The following WDR41 variants were observed in gnomAD, a reference collection of about 807,000 sequenced individuals.
The protein encoded by WDR41 is WD repeat-containing protein 41.
In WDR41, 63 loss-of-function variants were observed where a neutral mutation model predicts 69.3. That is an observed-to-expected ratio of 0.91 (90% CI 0.74 to 1.12). The LOEUF (loss-of-function observed/expected upper bound fraction) is 1.12. Among genes scored for constraint, WDR41 ranks in the 50% most tolerant of loss-of-function variants. The pLI, the probability that WDR41 is intolerant of heterozygous loss-of-function variation, is 0.00. For missense variants in WDR41, 543 were observed against 534.5 expected, an observed-to-expected ratio of 1.02 and a Z score of -0.16; for synonymous variants, 185 against 192.1, an observed-to-expected ratio of 0.96 and a Z score of 0.31.
intron 1 of WDR41, among the ~76,000 whole-genome samples, chr5:77,591,939 C>T (rs1011745113): frequency 2.6e-5 from 4 of 151,898 alleles, no homozygotes; most frequent in Admixed American, 1.3e-4. Context: ...ACTTATTTTC[C>T]CTGCCTCCTC....
At chr5:77,553,516 G>A (rs1457150442) in intron 1 of WDR41, among the ~76,000 whole-genome samples, 1 of 152,084 alleles carries the variant, frequency 6.6e-6, no homozygotes, top group East Asian at 1.9e-4. Context: ...GAATTTTGGA[G>A]GGAATGCCAT....
At chr5:77,442,879 G>A (rs4334862) in intron 8 of WDR41, among the ~76,000 whole-genome samples, 3,637 of 69,962 alleles carry the variant, frequency 0.052, 137 homozygotes, top group South Asian at 0.27. Context: ...GCGACAGAGC[G>A]AGACTCTGTC....
intron 1 of WDR41, among the ~76,000 whole-genome samples, chr5:77,605,785 A>G (rs546356754): frequency 1.7e-3 from 253 of 152,214 alleles, no homozygotes; most frequent in Middle Eastern, 3.4e-3. Context: ...GTGAGTCTCC[A>G]TTATCTGTCA....
At chr5:77,439,886 C>T (rs146326825) in intron 9 of WDR41, among the ~76,000 whole-genome samples, 31 of 152,224 alleles carry the variant, frequency 2.0e-4, no homozygotes, top group African/African-American at 7.2e-4. Flanking sequence ...GATCTAGTCT[C>T]TATCTTTTCT....
At chr5:77,508,287 A>AT (rs1802144026) in intron 1 of WDR41, among the ~76,000 whole-genome samples, 1 of 151,918 alleles carries the variant, frequency 6.6e-6, no homozygotes, top group South Asian at 2.1e-4. Flanking sequence ...AGCCCAGCTA[A>AT]TTTTTTGTAG....
At chr5:77,603,829 G>C (rs996100382) in intron 1 of WDR41, among the ~76,000 whole-genome samples, 1 of 152,102 alleles carries the variant, frequency 6.6e-6, no homozygotes, top group African/African-American at 2.4e-5. Flanking sequence ...ATTGAAGAGG[G>C]TGTCCTTTCC....
intron 1 of WDR41, among the ~76,000 whole-genome samples, chr5:77,606,133 T>C (rs538247330): frequency 3.9e-5 from 6 of 152,178 alleles, no homozygotes; most frequent in Non-Finnish European, 8.8e-5. Flanking sequence ...CTACCCTTTT[T>C]TATCTGCTAT....
At chr5:77,585,780 G>A (rs924972683) in intron 1 of WDR41, among the ~76,000 whole-genome samples, 6 of 152,154 alleles carry the variant, frequency 3.9e-5, no homozygotes, top group African/African-American at 1.4e-4. Flanking sequence ...CTATGAGAAT[G>A]CAAAGGCATA....
At chr5:77,595,033 A>G (rs566575523) in intron 1 of WDR41, among the ~76,000 whole-genome samples, 1 of 152,334 alleles carries the variant, frequency 6.6e-6, no homozygotes, top group East Asian at 1.9e-4. Context: ...AGAGGAGAGA[A>G]AACATTTTTT....
intron 2 of WDR41, among the ~76,000 whole-genome samples, chr5:77,476,821 C>G (rs1800957864): frequency 6.9e-6 from 1 of 145,302 alleles, no homozygotes; most frequent in Admixed American, 6.9e-5. Context: ...TCACACATAA[C>G]AATATTAACT....
At chr5:77,595,791 AT>A (rs5868875) in intron 1 of WDR41, among the ~76,000 whole-genome samples, 3,387 of 151,876 alleles carry the variant, frequency 0.022, 64 homozygotes, top group African/African-American at 0.055. Flanking sequence ...AGTGGTAGTA[AT>A]TTTTTTTTCT....
At chr5:77,480,169 AAAC>A (rs1488372240) in intron 2 of WDR41, 4 of 152,346 alleles carry the variant, frequency 2.6e-5, no homozygotes, top group African/African-American at 9.7e-5. Context: ...AAAAGTCAGG[AAAC>A]AACAGGTGCT....
At chr5:77,554,763 G>T (rs545912237) in intron 1 of WDR41, among the ~76,000 whole-genome samples, 1 of 145,358 alleles carries the variant, frequency 6.9e-6, no homozygotes, top group African/African-American at 2.8e-5. Context: ...GATCCTTGTT[G>T]TGCTGGAACT....
At chr5:77,568,658 C>A (rs1006312375) in intron 1 of WDR41, among the ~76,000 whole-genome samples, 1 of 152,006 alleles carries the variant, frequency 6.6e-6, no homozygotes, top group African/African-American at 2.4e-5. Context: ...ATATAGTGCC[C>A]ATGAAAGCAT....
At chr5:77,577,428 C>G (rs1005368769) in intron 1 of WDR41, among the ~76,000 whole-genome samples, 2 of 151,544 alleles carry the variant, frequency 1.3e-5, no homozygotes, top group African/African-American at 4.9e-5. Context: ...CGGTAGTAAT[C>G]AAGAGATGCA....
chr5:77,517,884 T>C (rs1259398703), intron 1 of WDR41, among the ~76,000 whole-genome samples: 2 of 152,076 alleles, frequency 1.3e-5, no homozygotes, highest in Admixed American at 6.6e-5. Flanking sequence ...GATAAAGACA[T>C]TAGCAGCTCT....
chr5:77,453,460 T>C (rs1288464655), intron 6 of WDR41, among the ~76,000 whole-genome samples: 2 of 152,144 alleles, frequency 1.3e-5, no homozygotes, highest in Non-Finnish European at 2.9e-5. Flanking sequence ...GTAAGGACAA[T>C]TGTAAAAAGA....
chr5:77,608,417 T>C (rs751609439), intron 1 of WDR41, among the ~76,000 whole-genome samples: 7 of 152,176 alleles, frequency 4.6e-5, no homozygotes, highest in Admixed American at 6.5e-5. Context: ...CCCAAAAACA[T>C]TGGGCCTAAT....
chr5:77,453,227 T>A (rs531623419), intron 6 of WDR41, among the ~76,000 whole-genome samples: 113 of 152,350 alleles, frequency 7.4e-4, no homozygotes, highest in Non-Finnish European at 1.5e-3. Context: ...CATTTGATTA[T>A]TTTTAGAAAT....
Sources: allele counts gnomAD v4.1 joint callset (sites outside exome capture counted in the v4.1 genomes callset), GRCh38; gene constraint gnomAD v4.1.1; transcripts MANE v1.5; gene names NCBI Gene and HGNC (gene_info 2026-07-23, HGNC 2026-07-21).